The following NVL variants were observed in gnomAD, a reference collection of about 807,000 sequenced individuals.
NVL encodes nuclear VCP like.
NVL carries 84 observed loss-of-function variants against 110.2 expected under a neutral mutation model. That is an observed-to-expected ratio of 0.76 (90% CI 0.64 to 0.91). NVL has a LOEUF of 0.91. Ranked by LOEUF, NVL falls within the 40% of genes least tolerant of loss-of-function variation. The probability of loss-of-function intolerance (pLI) is 0.00; values close to 1 mark genes in which losing one functional copy is unlikely to be tolerated. For synonymous variants in NVL, 354 were observed against 361.1 expected (o/e 0.98, Z 0.22); for missense variants, 882 against 1,035.9 (o/e 0.85, Z 2.04).
At chr1:224,320,513 G>A (rs1225215464) in intron 2 of NVL, among the ~76,000 whole-genome samples, 2 of 152,146 alleles carry the variant, frequency 1.3e-5, no homozygotes, top group Non-Finnish European at 2.9e-5. Flanking sequence ...CAGGCATGGT[G>A]GTGGGTGCCT....
At chr1:224,293,125 A>C (rs1354158337) in intron 12 of NVL, among the ~76,000 whole-genome samples, 1 of 149,128 alleles carries the variant, frequency 6.7e-6, no homozygotes, top group Admixed American at 6.8e-5. Flanking sequence ...GCTGGAGTGC[A>C]GTGGCGCCAT....
chr1:224,233,286 G>A lies in NVL; in HGVS notation c.2370C>T (p.Gly790=), dbSNP rs147752785. The change falls in exon 21 of 23, where the codon GGC becomes GGT. Residue 790 remains glycine (G), a synonymous_variant. Coordinates refer to ENST00000281701, the MANE Select transcript of NVL (RefSeq NM_002533.4). ...CTCGTACCAAAGCAGAGAGATCTGCGCCCCTACAATAAAATAATAGTTATC... is the reference window on the plus strand; with the variant it reads ...CTCGTACCAAAGCAGAGAGATCTGCACCCCTACAATAAAATAATAGTTATC... ...AGDLRCDCYT[G]ADLSALVREA... is the part of the protein sequence containing the mutation. The A allele has an allele frequency of 1.2e-4, 195 of 1,601,376 alleles. No homozygotes were observed. Among genetic ancestry groups the A allele is most frequent in the African/African-American group, 1.1e-4 (8 of 74,276 alleles).
intron 12 of NVL, among the ~76,000 whole-genome samples, chr1:224,292,601 G>A (rs751285803): frequency 6.6e-5 from 10 of 151,986 alleles, no homozygotes; most frequent in Non-Finnish European, 1.2e-4. Context: ...CCTGGACCTC[G>A]TCATCACCTG....
chr1:224,303,867 G>T lies in NVL; in HGVS notation c.826-10C>A. The T allele has an allele frequency of 6.3e-7, 1 of 1,599,132 alleles. No individual in the cohort carries two copies. Among genetic ancestry groups the T allele is most frequent in the Non-Finnish European group, 8.5e-7 (1 of 1,172,768 alleles). ...GCATCTTGCAGACCTCCTAGCAGAG[G>T]ATAAGCACAAAGATGTCTTTCAAGA... On this transcript the variant is annotated splice_polypyrimidine_tract_variant and intron_variant, in intron 8 of 22. Coordinates refer to ENST00000281701, the MANE Select transcript of NVL (RefSeq NM_002533.4).
At chr1:224,231,167 A>T in intron 22 of NVL, 59 bp downstream of exon 22, 1 of 1,146,942 alleles carries the variant, frequency 8.7e-7, no homozygotes, top group South Asian at 1.2e-5. Context: ...TCATGAGGTC[A>T]TATCTACTGG....
At chr1:224,240,455 C>T (rs1277253849) in intron 19 of NVL, among the ~76,000 whole-genome samples, 5 of 152,154 alleles carry the variant, frequency 3.3e-5, no homozygotes, top group Admixed American at 3.3e-4. Flanking sequence ...TTGTGATCTG[C>T]CCGCCTCCGC....
At chr1:224,296,897 T>C (rs16846244) in intron 10 of NVL, among the ~76,000 whole-genome samples, 6,337 of 152,294 alleles carry the variant, frequency 0.042, 172 homozygotes, top group East Asian at 0.095. Flanking sequence ...GAAATTCTTT[T>C]GTAAATTAGA....
chr1:224,270,962 T>C (rs1008032149), intron 17 of NVL, among the ~76,000 whole-genome samples: 1 of 152,194 alleles, frequency 6.6e-6, no homozygotes, highest in Admixed American at 6.5e-5. Context: ...AAATCTAATA[T>C]ATATCAATCT....
rs780307796 is a variant in NVL, at chr1:224,330,080, T to C, written c.48A>G (p.Arg16=). 5.0e-6 allele frequency: 8 copies of C among 1,613,980 alleles called. No individual in the cohort carries two copies. The highest frequency in any genetic ancestry group is 3.3e-5 in the Admixed American group (2 of 60,008). Residue 16 remains arginine (R), a synonymous_variant, in exon 1 of 23, where the codon CGA becomes CGG. Coordinates refer to ENST00000281701, the MANE Select transcript of NVL (RefSeq NM_002533.4). ...AGFVDNKLKQ[R]VIQYLTSNKC... is the part of the protein sequence containing the mutation. ...GGTGCAGAATACACACCTGGATGACTCGCTGCTTGAGTTTATTATCCACGA... is the reference window on the plus strand; with the variant it reads ...GGTGCAGAATACACACCTGGATGACCCGCTGCTTGAGTTTATTATCCACGA...
intron 19 of NVL, among the ~76,000 whole-genome samples, chr1:224,243,418 A>C (rs1360143498): frequency 6.6e-6 from 1 of 152,036 alleles, no homozygotes; most frequent in African/African-American, 2.4e-5. Context: ...CCAAGACCGC[A>C]CCACTGCCCT....
At position 224,308,140 on chromosome 1, in the gene NVL, T is replaced by C; in HGVS notation, c.466A>G (p.Lys156Glu). 6.2e-7 allele frequency: 1 copy of C among 1,614,162 alleles called. No homozygotes were observed. Among genetic ancestry groups the C allele is most frequent in the Non-Finnish European group, 8.5e-7 (1 of 1,180,020 alleles). The change falls in exon 6 of 23, where the codon AAA (lysine) becomes GAA (glutamate). Residue 156 changes from lysine to glutamate, a missense_variant. Lys to Glu is a moderately conservative substitution (Grantham distance 56). Transcript: ENST00000281701. Reference protein sequence around the residue: ...TTSSTPRISSKTGSIPLKTPA... With the variant: ...TTSSTPRISSETGSIPLKTPA... Reference sequence around the variant, plus strand: ...GTCTTCAAGGGAATGGAGCCTGTTTTGGAACTTATCCGTGGTGTTGAAGAG... The same window carrying C: ...GTCTTCAAGGGAATGGAGCCTGTTTCGGAACTTATCCGTGGTGTTGAAGAG...
chr1:224,281,127 T>G lies in NVL; in HGVS notation c.1958A>C (p.Asn653Thr), dbSNP rs144521437. ...GGTTCTTGCTCAATAACTTACCATG[T>G]TTAGTAATTCGGGGCCCTTGACAGA... ...FISVKGPELL[N>T]MYVGESERAV... The change falls in exon 16 of 23, where the codon AAC becomes ACC. Residue 653 changes from asparagine (N) to threonine (T), a missense_variant. Transcript: ENST00000281701. 1.2e-4 allele frequency: 201 copies of G among 1,613,294 alleles called. No homozygotes were observed. The African/African-American group carries it at 2.2e-3, about 18-fold the overall frequency.
At chr1:224,263,080 A>T (rs1445202796) in intron 18 of NVL, among the ~76,000 whole-genome samples, 3 of 152,206 alleles carry the variant, frequency 2.0e-5, no homozygotes, top group East Asian at 3.8e-4. Flanking sequence ...ATATTTGAAA[A>T]TATGAAGGAA....
At chr1:224,270,615 TATAAGTC>T (rs1212098687) in intron 17 of NVL, among the ~76,000 whole-genome samples, 3 of 151,948 alleles carry the variant, frequency 2.0e-5, no homozygotes, top group African/African-American at 7.2e-5. Flanking sequence ...TAAAATTAAA[TATAAGTC>T]ATAAGACTGG....
chr1:224,257,258 A>G, intron 18 of NVL: 1 of 395,412 alleles, frequency 2.5e-6, no homozygotes, highest in South Asian at 2.1e-5. Context: ...TCTGTTGATA[A>G]GCAGCACCTA....
intron 17 of NVL, chr1:224,269,621 A>G (rs997382170): frequency 6.6e-6 from 1 of 152,226 alleles, no homozygotes; most frequent in Non-Finnish European, 1.5e-5. Flanking sequence ...AGATACAGAA[A>G]CAACAAAAAA....
chr1:224,300,563 A>T lies in NVL; in HGVS notation c.1061T>A (p.Val354Glu). ...GGCATTAGTCATTAACTGACTCACCACAGCTTGCTCAAATAGTTCTCTCAG... is the reference window on the plus strand; with the variant it reads ...GGCATTAGTCATTAACTGACTCACCTCAGCTTGCTCAAATAGTTCTCTCAG... Reference protein sequence around the residue: ...QKLRELFEQAVSNAPCIIFID... With the variant: ...QKLRELFEQAESNAPCIIFID... The change falls in exon 10 of 23, where the codon GTG becomes GAG. Residue 354 changes from valine to glutamate, a missense_variant and splice_region_variant. Transcript: ENST00000281701. The T allele has an allele frequency of 6.2e-7, 1 of 1,612,610 alleles. No individual in the cohort carries two copies. Among genetic ancestry groups the T allele is most frequent in the Non-Finnish European group, 8.5e-7 (1 of 1,178,780 alleles).
intron 19 of NVL, among the ~76,000 whole-genome samples, chr1:224,247,862 G>A (rs543052030): frequency 1.2e-4 from 18 of 152,252 alleles, no homozygotes; most frequent in Non-Finnish European, 2.5e-4. Context: ...ATATTTAGCA[G>A]CATGATCACT....
intron 5 of NVL, among the ~76,000 whole-genome samples, chr1:224,309,476 G>A (rs915862828): frequency 7.9e-5 from 12 of 151,922 alleles, no homozygotes; most frequent in Admixed American, 2.6e-4. Flanking sequence ...CTAGGACCAT[G>A]CCACTGTACT....
Sources: allele counts gnomAD v4.1 joint callset (sites outside exome capture counted in the v4.1 genomes callset), GRCh38; gene constraint gnomAD v4.1.1; transcripts MANE v1.5; gene names NCBI Gene and HGNC (gene_info 2026-07-23, HGNC 2026-07-21).